Variants in GRIK2 observed in about 807,000 individuals in gnomAD.
The protein encoded by GRIK2 is glutamate ionotropic receptor kainate type subunit 2, also known as glutamate receptor ionotropic, kainate 2.
A neutral mutation model predicts 100.3 loss-of-function variants in GRIK2; 32 were observed. The observed-to-expected ratio is 0.32, with a 90% CI of 0.24 to 0.43. GRIK2 has a LOEUF of 0.43. Ranked by LOEUF, GRIK2 falls within the 20% of genes least tolerant of loss-of-function variation. The pLI, the probability that GRIK2 is intolerant of heterozygous loss-of-function variation, is 1.00. For synonymous variants in GRIK2, 417 were observed against 389.4 expected, an observed-to-expected ratio of 1.07 and a Z score of -0.83; for missense variants, 843 against 1,114.9, an observed-to-expected ratio of 0.76 and a Z score of 3.47.
chr6:101,419,587 C>T (rs1232562983), intron 2 of GRIK2, among the ~76,000 whole-genome samples: 3 of 152,212 alleles, frequency 2.0e-5, no homozygotes. Context: ...TAGTGCTTTG[C>T]ATTTTATATG....
chr6:101,869,108 A>G (rs545388706), intron 11 of GRIK2, among the ~76,000 whole-genome samples: 62 of 152,040 alleles, frequency 4.1e-4, no homozygotes, highest in African/African-American at 1.4e-3. Context: ...GCTGCAGTTC[A>G]TTTAATTGAA....
chr6:101,403,170 A>G (rs1448089780), intron 2 of GRIK2, among the ~76,000 whole-genome samples: 1 of 152,198 alleles, frequency 6.6e-6, no homozygotes, highest in African/African-American at 2.4e-5. Flanking sequence ...CCGATCTTCA[A>G]GGTCAGGTTT....
chr6:101,748,310 T>C (rs1267839750), intron 7 of GRIK2, among the ~76,000 whole-genome samples: 1 of 152,128 alleles, frequency 6.6e-6, no homozygotes, highest in African/African-American at 2.4e-5. Context: ...CTTTCATCAA[T>C]TTAGCACAAA....
intron 10 of GRIK2, among the ~76,000 whole-genome samples, chr6:101,844,368 A>T (rs2128436496): frequency 6.6e-6 from 1 of 152,304 alleles, no homozygotes; most frequent in Non-Finnish European, 1.5e-5. Context: ...AATTAAGGAA[A>T]TATGATGTTT....
chr6:101,560,575 TA>T lies in GRIK2; in HGVS notation c.116-61366del, dbSNP rs953781483. ...TGTAGATAATTAGAAACTGGACATT[TA>T]AAAAAAATTGATAATTAAACAACAA... is the stretch of plus-strand genomic sequence containing the variant. On this transcript the variant is annotated intron_variant, in intron 2 of 16. Transcript: ENST00000369134. Among the ~76,000 whole-genome samples, 26 of 152,014 alleles carry T rather than the reference TA, an allele frequency of 1.7e-4. No individual in the cohort carries two copies. In the East Asian group the frequency reaches 2.3e-3, roughly 14 times the overall value.
intron 16 of GRIK2, among the ~76,000 whole-genome samples, chr6:102,065,439 T>C (rs1165308261): frequency 6.6e-6 from 1 of 151,302 alleles, no homozygotes; most frequent in Admixed American, 6.6e-5. Context: ...GTTTACCTCT[T>C]AAATTGCTAG....
chr6:101,645,214 T>C (rs889476832), intron 4 of GRIK2, among the ~76,000 whole-genome samples: 4 of 151,760 alleles, frequency 2.6e-5, no homozygotes, highest in African/African-American at 9.7e-5. Flanking sequence ...TGAGTCATTG[T>C]AACTATTTTT....
chr6:101,802,400 T>A lies in GRIK2; in HGVS notation c.1165T>A (p.Leu389Met). ...CAATGGCTTGAGAACAGATTTTGATTTGGATGTGATCAGTCTGAAGGAAGA... is the reference window on the plus strand; with the variant it reads ...CAATGGCTTGAGAACAGATTTTGATATGGATGTGATCAGTCTGAAGGAAGA... ...KTNGLRTDFD[L>M]DVISLKEEGL... Residue 389 changes from leucine to methionine, a missense_variant, in exon 9 of 17, where the codon TTG becomes ATG. Leu to Met is a conservative substitution (Grantham distance 15, BLOSUM62 2). This residue lies in a region of GRIK2 where 519 missense variants were observed against 643.8 expected (regional missense o/e 0.81). Coordinates refer to ENST00000369134, the MANE Select transcript of GRIK2 (RefSeq NM_021956.5). The A allele has an allele frequency of 6.3e-7, 1 of 1,586,932 alleles. No homozygotes were observed. Among genetic ancestry groups the A allele is most frequent in the South Asian group, 1.1e-5 (1 of 88,084 alleles).
intron 2 of GRIK2, among the ~76,000 whole-genome samples, chr6:101,484,345 T>G (rs1178420482): frequency 6.6e-6 from 1 of 152,192 alleles, no homozygotes; most frequent in Non-Finnish European, 1.5e-5. Context: ...GAAGAGAATG[T>G]TGAATATTTG....
At chr6:101,874,214 G>A (rs1363535940) in intron 11 of GRIK2, among the ~76,000 whole-genome samples, 1 of 152,028 alleles carries the variant, frequency 6.6e-6, no homozygotes, top group African/African-American at 2.4e-5. Flanking sequence ...TTCTTCTAGA[G>A]TTTTTATGGT....
intron 2 of GRIK2, among the ~76,000 whole-genome samples, chr6:101,607,488 C>G (rs970505635): frequency 6.6e-6 from 1 of 151,936 alleles, no homozygotes; most frequent in African/African-American, 2.4e-5. Flanking sequence ...GCTGCTGAAA[C>G]GTGTTATTCT....
At chr6:101,583,270 AC>A (rs2128303745) in intron 2 of GRIK2, among the ~76,000 whole-genome samples, 1 of 152,258 alleles carries the variant, frequency 6.6e-6, no homozygotes, top group Non-Finnish European at 1.5e-5. Context: ...AGAAGCTGAC[AC>A]TTAATGGATA....
At chr6:101,784,222 G>A (rs1045926971) in intron 7 of GRIK2, among the ~76,000 whole-genome samples, 1 of 152,202 alleles carries the variant, frequency 6.6e-6, no homozygotes, top group African/African-American at 2.4e-5. Flanking sequence ...CAGGCCCAGG[G>A]CCCTGCTACT....
At chr6:101,492,156 C>T (rs1430287066) in intron 2 of GRIK2, among the ~76,000 whole-genome samples, 2 of 151,686 alleles carry the variant, frequency 1.3e-5, no homozygotes, top group African/African-American at 2.4e-5. Flanking sequence ...ACTTTGTCTC[C>T]AGTTGAAAGT....
At chr6:101,899,086 T>A (rs1347780632) in intron 12 of GRIK2, among the ~76,000 whole-genome samples, 1 of 150,516 alleles carries the variant, frequency 6.6e-6, no homozygotes, top group Non-Finnish European at 1.5e-5. Flanking sequence ...GAGAGAGGTT[T>A]CTTTTTGTTG....
intron 12 of GRIK2, among the ~76,000 whole-genome samples, chr6:101,896,442 T>G (rs1367736113): frequency 6.6e-6 from 1 of 151,840 alleles, no homozygotes; most frequent in Non-Finnish European, 1.5e-5. Flanking sequence ...GTGCTTTTTC[T>G]GTAATTTTCT....
At chr6:102,043,610 A>G (rs565645786) in intron 15 of GRIK2, among the ~76,000 whole-genome samples, 2 of 151,920 alleles carry the variant, frequency 1.3e-5, no homozygotes, top group African/African-American at 4.8e-5. Flanking sequence ...AGGGCTGAAT[A>G]GTATTCCATT....
At position 101,694,806 on chromosome 6, in the gene GRIK2, T is replaced by C. The variant is rs575385604; in HGVS notation, c.951+8453T>C. On this transcript the variant is annotated intron_variant, in intron 7 of 16. Transcript: ENST00000369134. ...TGGTGGTAATTATCAAAGCTATAGG[T>C]TTTCCCATATTATTTCAGTTTTATG... is the stretch of plus-strand genomic sequence containing the variant. 1.4e-4 allele frequency among the ~76,000 whole-genome samples: 21 copies of C among 151,970 alleles called. 1 individual carries two copies. In the East Asian group the frequency reaches 4.1e-3, roughly 29 times the overall value.
intron 2 of GRIK2, among the ~76,000 whole-genome samples, chr6:101,572,780 T>C (rs1289019386): frequency 2.0e-5 from 3 of 148,684 alleles, no homozygotes; most frequent in Non-Finnish European, 4.5e-5. Context: ...TTAGAATCAC[T>C]TTAAGGTGTT....
Sources: gnomAD v4.1 joint callset for allele counts (sites outside exome capture counted in the v4.1 genomes callset) on GRCh38, gnomAD v4.1.1 for gene constraint, gnomAD v4.1.1 regional missense constraint, MANE v1.5 for transcripts, NCBI Gene and HGNC (gene_info 2026-07-23, HGNC 2026-07-21) for gene names.